PDE6C: variants seen among roughly 807,000 people sequenced by gnomAD.
PDE6C encodes the protein cone cGMP-specific 3',5'-cyclic phosphodiesterase subunit alpha'.
In PDE6C, 75 loss-of-function variants were observed where a neutral mutation model predicts 113.1. That is an observed-to-expected ratio of 0.66 (90% CI 0.55 to 0.80). The LOEUF is 0.80. Ranked by LOEUF, PDE6C falls within the 30% of genes least tolerant of loss-of-function variation. The pLI is 0.00. For missense variants in PDE6C, 912 were observed against 1,038.6 expected, an observed-to-expected ratio of 0.88 and a Z score of 1.67; for synonymous variants, 375 against 363.7, an observed-to-expected ratio of 1.03 and a Z score of -0.35.
chr10:93,653,165 G>C (rs2058617137), intron 15 of PDE6C, among the ~76,000 whole-genome samples: 1 of 152,112 alleles, frequency 6.6e-6, no homozygotes, highest in African/African-American at 2.4e-5. Flanking sequence ...ATCACCCCAA[G>C]TCCAAAAGGA....
intron 21 of PDE6C, among the ~76,000 whole-genome samples, chr10:93,663,879 T>C (rs963673109): frequency 4.6e-5 from 7 of 152,192 alleles, no homozygotes; most frequent in South Asian, 4.1e-4. Flanking sequence ...GTCTTGAAAG[T>C]TTATCACTCT....
At position 93,661,248 on chromosome 10, in the gene PDE6C, C is replaced by G. The variant is rs532583606; in HGVS notation, c.2209-811C>G. Among the ~76,000 whole-genome samples, 634 of 152,276 alleles carry G rather than the reference C, an allele frequency of 4.2e-3. 4 individuals are homozygous for G. The highest frequency in any genetic ancestry group is 0.014 in the African/African-American group (593 of 41,556). On this transcript the variant is annotated intron_variant, in intron 18 of 21. Coordinates refer to ENST00000371447, the MANE Select transcript of PDE6C (RefSeq NM_006204.4). ...CACTCCCAGCATCAATTCCCATCAC[C>G]TTCTCCCATGTCATTGCTTCACACT...
chr10:93,636,365 GCTTTGTGTGTGT>G (rs1394704394), intron 10 of PDE6C, among the ~76,000 whole-genome samples: 5 of 23,434 alleles, frequency 2.1e-4, no homozygotes, highest in South Asian at 3.0e-3. Context: ...TATTTCCCTG[GCTTTGTGTGTGT>G]GTGTGTGTGT....
intron 1 of PDE6C, among the ~76,000 whole-genome samples, chr10:93,616,815 A>G (rs2058422214): frequency 1.3e-5 from 2 of 152,078 alleles, no homozygotes; most frequent in African/African-American, 4.8e-5. Flanking sequence ...CACCATGCCC[A>G]GCTAATTTTT....
At chr10:93,632,525 A>G (rs1175829254) in intron 8 of PDE6C, among the ~76,000 whole-genome samples, 1 of 152,258 alleles carries the variant, frequency 6.6e-6, no homozygotes, top group Non-Finnish European at 1.5e-5. Context: ...AGTAAGGTCT[A>G]ACTAATGGCA....
chr10:93,653,364 C>T (rs2058618010), intron 15 of PDE6C, among the ~76,000 whole-genome samples: 2 of 152,084 alleles, frequency 1.3e-5, no homozygotes, highest in Non-Finnish European at 2.9e-5. Flanking sequence ...ATTCGGGGTC[C>T]AGGCACGGTG....
intron 16 of PDE6C, among the ~76,000 whole-genome samples, chr10:93,657,532 A>G (rs2058644540): frequency 6.6e-6 from 1 of 151,946 alleles, no homozygotes; most frequent in Non-Finnish European, 1.5e-5. Flanking sequence ...CTGTCTGTAC[A>G]TACCTTTCTG....
chr10:93,662,481 A>G (rs1020328691), intron 19 of PDE6C, 79 bp from the exon 20 acceptor site: 1 of 592,374 alleles, frequency 1.7e-6, no homozygotes, highest in Non-Finnish European at 3.1e-6. Flanking sequence ...AAAAAAAAAA[A>G]AAAGTTATCA....
At chr10:93,637,140 C>A in intron 11 of PDE6C, 77 bp downstream of exon 11, 1 of 765,632 alleles carries the variant, frequency 1.3e-6, no homozygotes, top group Non-Finnish European at 2.3e-6. Flanking sequence ...GACATGCTTT[C>A]TTGTTTTTCA....
chr10:93,654,750 T>TTTTCTTTCTTTCTTTC lies in PDE6C; in HGVS notation c.1936-962_1936-947dup, dbSNP rs1218959114. On this transcript the variant is annotated intron_variant, in intron 15 of 21. Transcript: ENST00000371447. ...AAACCACCCCCAGCTTATATACTCA[T>TTTTCTTTCTTTCTTTC]TTTCTTTCTTTCTTTCTTTCTTTCT... is the stretch of plus-strand genomic sequence containing the variant. 2.3e-3 allele frequency among the ~76,000 whole-genome samples: 273 copies of TTTTCTTTCTTTCTTTC among 120,740 alleles called. 1 individual carries two copies. Among genetic ancestry groups the TTTTCTTTCTTTCTTTC allele is most frequent in the Admixed American group, 5.0e-3 (53 of 10,660 alleles). 79.2% of individuals were successfully genotyped at this position (120,740 alleles called of 152,430 possible).
chr10:93,652,988 C>T (rs182672008), intron 15 of PDE6C, among the ~76,000 whole-genome samples: 2 of 152,240 alleles, frequency 1.3e-5, no homozygotes, highest in African/African-American at 4.8e-5. Flanking sequence ...ACATTCCTCC[C>T]CTCCCCCTGC....
chr10:93,645,709 C>T (rs572406442), intron 14 of PDE6C, among the ~76,000 whole-genome samples: 1 of 152,204 alleles, frequency 6.6e-6, no homozygotes, highest in East Asian at 1.9e-4. Context: ...AATTTAGATA[C>T]AAGGAGCTGA....
intron 4 of PDE6C, among the ~76,000 whole-genome samples, chr10:93,623,858 T>C: frequency 6.6e-6 from 1 of 152,206 alleles, no homozygotes; most frequent in East Asian, 1.9e-4. Context: ...TGCAGCTTCA[T>C]GGCAAATCTT....
At chr10:93,622,178 C>G (rs2058449926) in intron 4 of PDE6C, 106 bp downstream of exon 4, 1 of 1,138,182 alleles carries the variant, frequency 8.8e-7, no homozygotes, top group African/African-American at 1.5e-5. Flanking sequence ...AATAATTAGT[C>G]ATGATTGATG....
Position 93,612,868 on chromosome 10 carries a change from T to G in PDE6C, c.143T>G (p.Met48Arg), listed in dbSNP as rs760329824. ...KNSQVPVQSS[M>R]SFSELTQVEE... ...AGCCAGGTGCCAGTCCAGTCCAGCA[T>G]GTCCTTCTCTGAGCTGACCCAGGTG... Residue 48 changes from methionine (M) to arginine (R), a missense_variant, in exon 1 of 22, where the codon ATG becomes AGG. Transcript: ENST00000371447. The G allele has an allele frequency of 6.2e-7, 1 of 1,614,008 alleles. No individual in the cohort carries two copies. The highest frequency in any genetic ancestry group is 8.5e-7 in the Non-Finnish European group (1 of 1,180,014).
intron 4 of PDE6C, among the ~76,000 whole-genome samples, chr10:93,623,968 C>G (rs1367651081): frequency 6.6e-6 from 1 of 151,978 alleles, no homozygotes; most frequent in Non-Finnish European, 1.5e-5. Flanking sequence ...GAGGACATCT[C>G]TCTTATCAAT....
At chr10:93,619,141 T>A (rs2058433820) in intron 1 of PDE6C, among the ~76,000 whole-genome samples, 1 of 152,218 alleles carries the variant, frequency 6.6e-6, no homozygotes, top group Non-Finnish European at 1.5e-5. Context: ...GATAATTGCC[T>A]TCCTTGACCT....
chr10:93,634,674 T>C (rs992395621), intron 8 of PDE6C, 84 bp from the exon 9 acceptor site: 3 of 1,434,970 alleles, frequency 2.1e-6, no homozygotes, highest in Non-Finnish European at 1.9e-6. Context: ...TCTCTGTACA[T>C]TTCTTTTGTA....
intron 8 of PDE6C, among the ~76,000 whole-genome samples, chr10:93,633,953 T>C (rs1414967971): frequency 6.6e-6 from 1 of 152,184 alleles, no homozygotes; most frequent in African/African-American, 2.4e-5. Context: ...AGAGTACATA[T>C]AATGGCTGTA....
Sources: gnomAD v4.1 joint callset for allele counts (sites outside exome capture counted in the v4.1 genomes callset) on GRCh38, gnomAD v4.1.1 for gene constraint, MANE v1.5 for transcripts, NCBI Gene and HGNC (gene_info 2026-07-23, HGNC 2026-07-21) for gene names.